SEC63: variants seen among roughly 807,000 people sequenced by gnomAD.
SEC63 encodes the protein SEC63 protein translocation regulator.
A neutral mutation model predicts 116.2 loss-of-function variants in SEC63; 56 were observed. The ratio of observed to expected loss-of-function variants is 0.48; its 90% CI spans 0.39 to 0.60. The LOEUF (loss-of-function observed/expected upper bound fraction) is 0.60. Among genes scored for constraint, SEC63 ranks in the 20% least tolerant of loss-of-function variants. SEC63 has a pLI of 0.00. For missense variants in SEC63, 668 were observed against 900.0 expected, an observed-to-expected ratio of 0.74 and a Z score of 3.30; for synonymous variants, 273 against 294.6, an observed-to-expected ratio of 0.93 and a Z score of 0.75.
intron 2 of SEC63, among the ~76,000 whole-genome samples, chr6:107,927,494 A>G (rs1412534751): frequency 6.6e-6 from 1 of 152,202 alleles, no homozygotes; most frequent in African/African-American, 2.4e-5. Flanking sequence ...TAAAAGTTTT[A>G]ATGGTTTATG....
At position 107,901,370 on chromosome 6, in the gene SEC63, C is replaced by T; in HGVS notation, c.1357G>A (p.Val453Met). The change falls in exon 13 of 21, where the codon GTG becomes ATG. Residue 453 changes from valine to methionine, a missense_variant and splice_region_variant. By Grantham distance (21) the Val-to-Met change is conservative. Coordinates refer to ENST00000369002, the MANE Select transcript of SEC63 (RefSeq NM_007214.5). The stretch of plus-strand genomic sequence containing the variant: ...CTCAACAGAGAAACCTCCCACTTAC[C>T]CTGTGATTTTATATCCATGGTCACA... ...PYVTMDIKSQ[V>M]LDDEDSNNIT... 1 of 1,612,282 alleles carries T rather than the reference C, an allele frequency of 6.2e-7. No individual in the cohort carries two copies. The highest frequency in any genetic ancestry group is 1.7e-5 in the Admixed American group (1 of 60,006).
At chr6:107,904,268 G>A (rs1787086073) in intron 11 of SEC63, among the ~76,000 whole-genome samples, 1 of 151,634 alleles carries the variant, frequency 6.6e-6, no homozygotes, top group African/African-American at 2.4e-5. Context: ...AAATTAGCCA[G>A]GTGTGGTGGT....
At chr6:107,918,759 G>C (rs1174578747) in intron 4 of SEC63, among the ~76,000 whole-genome samples, 1 of 151,530 alleles carries the variant, frequency 6.6e-6, no homozygotes, top group Non-Finnish European at 1.5e-5. Context: ...TACAGACACA[G>C]TGATACCTCT....
intron 16 of SEC63, among the ~76,000 whole-genome samples, chr6:107,892,917 G>T (rs1334061381): frequency 6.6e-6 from 1 of 152,112 alleles, no homozygotes; most frequent in South Asian, 2.1e-4. Flanking sequence ...CTCTTTTAAC[G>T]AGTTAAGCAT....
At chr6:107,893,714 T>C (rs1215264177) in intron 15 of SEC63, 59 bp from the exon 16 acceptor site, 6 of 1,602,274 alleles carry the variant, frequency 3.7e-6, no homozygotes, top group Non-Finnish European at 5.1e-6. Context: ...TTGAAGGTTG[T>C]AGTAATTTTT....
chr6:107,917,421 C>T, intron 4 of SEC63, among the ~76,000 whole-genome samples: 1 of 151,948 alleles, frequency 6.6e-6, no homozygotes. Context: ...TAGGGTCTCC[C>T]TGACCGAGCT....
chr6:107,955,383 G>A (rs931724902), intron 1 of SEC63, among the ~76,000 whole-genome samples: 2 of 152,086 alleles, frequency 1.3e-5, no homozygotes, highest in African/African-American at 4.8e-5. Flanking sequence ...GGCTGGTCTT[G>A]AACTCCTGAC....
In SEC63 at chr6:107,895,845, G is replaced by C. The variant is rs1786800096; in HGVS notation, c.1440+1804C>G. 2.7e-5 allele frequency among the ~76,000 whole-genome samples: 3 copies of C among 113,104 alleles called. No individual in the cohort carries two copies. In the South Asian group the frequency reaches 9.0e-4, roughly 34 times the overall value. The allele number at this position is 113,104 out of a possible 152,430, so 74.2% of individuals were successfully genotyped here. A position where few individuals can be genotyped will look rare whatever the true frequency, so the allele number is the denominator to read the frequency against. ...TGAGATCAGCTGGGCAGCCTACAGAGACCCGCACCTCTATTAAAAAAAAAA... is the reference window on the plus strand; with the variant it reads ...TGAGATCAGCTGGGCAGCCTACAGACACCCGCACCTCTATTAAAAAAAAAA... On this transcript the variant is annotated intron_variant, in intron 14 of 20. Coordinates refer to ENST00000369002, the MANE Select transcript of SEC63 (RefSeq NM_007214.5).
chr6:107,929,670 T>G (rs1293663940), intron 1 of SEC63, among the ~76,000 whole-genome samples, 156 bp from the exon 2 acceptor site: 1 of 152,238 alleles, frequency 6.6e-6, no homozygotes, highest in South Asian at 2.1e-4. Flanking sequence ...ACTTACAAGA[T>G]AGGTTAAATT....
chr6:107,893,235 T>C (rs1786731074), intron 16 of SEC63, among the ~76,000 whole-genome samples: 1 of 151,834 alleles, frequency 6.6e-6, no homozygotes. Context: ...ACATAAAATA[T>C]GACACTTATA....
At chr6:107,954,093 C>A (rs372469288) in intron 1 of SEC63, among the ~76,000 whole-genome samples, 4 of 152,148 alleles carry the variant, frequency 2.6e-5, no homozygotes, top group African/African-American at 9.7e-5. Flanking sequence ...GAGGTAGACA[C>A]GGGAGACTTT....
At chr6:107,940,019 G>T (rs949312048) in intron 1 of SEC63, among the ~76,000 whole-genome samples, 2 of 152,100 alleles carry the variant, frequency 1.3e-5, no homozygotes, top group African/African-American at 4.8e-5. Flanking sequence ...GGCTTCATAA[G>T]ATTACATATT....
intron 16 of SEC63, among the ~76,000 whole-genome samples, chr6:107,891,393 C>T (rs1583732840): frequency 6.6e-6 from 1 of 151,876 alleles, no homozygotes; most frequent in Non-Finnish European, 1.5e-5. Flanking sequence ...ACGAAGTTCT[C>T]GTGCTGTGTT....
At chr6:107,889,815 T>C (rs1786636725) in intron 16 of SEC63, among the ~76,000 whole-genome samples, 1 of 152,234 alleles carries the variant, frequency 6.6e-6, no homozygotes, top group East Asian at 1.9e-4. Context: ...AACATCTTTA[T>C]TTCTGCCTTC....
chr6:107,923,757 C>T (rs887759128), intron 3 of SEC63, among the ~76,000 whole-genome samples: 5 of 150,456 alleles, frequency 3.3e-5, no homozygotes, highest in South Asian at 2.1e-4. Flanking sequence ...TGACCTCAAG[C>T]GATCCTCCCA....
chr6:107,939,835 T>C (rs967530424), intron 1 of SEC63, among the ~76,000 whole-genome samples: 2 of 152,142 alleles, frequency 1.3e-5, no homozygotes, highest in African/African-American at 2.4e-5. Flanking sequence ...TGTTTCAGAA[T>C]ATAAAAGGCA....
chr6:107,901,737 G>A (rs1255858679), intron 12 of SEC63, among the ~76,000 whole-genome samples: 1 of 151,752 alleles, frequency 6.6e-6, no homozygotes, highest in Non-Finnish European at 1.5e-5. Flanking sequence ...GTTAATACAG[G>A]CTTATTTTTT....
rs1382895571 is a variant in SEC63, at chr6:107,871,857, A to G, written c.2140-10T>C. 6.2e-7 allele frequency: 1 copy of G among 1,613,234 alleles called. No individual in the cohort carries two copies. Among genetic ancestry groups the G allele is most frequent in the Non-Finnish European group, 8.5e-7 (1 of 1,179,630 alleles). On this transcript the variant is annotated splice_polypyrimidine_tract_variant and intron_variant, in intron 20 of 20. Transcript: ENST00000369002. ...CCTCATGAACTTCCAACTAGAAAGA[A>G]GAATTAAATGTAGACATCAGAAATT... is the stretch of plus-strand genomic sequence containing the variant.
At chr6:107,910,600 ACACGTGTCATACATATATG>A (rs1787257542) in intron 7 of SEC63, among the ~76,000 whole-genome samples, 1 of 152,036 alleles carries the variant, frequency 6.6e-6, no homozygotes, top group Non-Finnish European at 1.5e-5. Flanking sequence ...TGTCATACAC[ACACGTGTCATACATATATG>A]CACGTGTCAT....
Sources: gnomAD v4.1 joint callset for allele counts (sites outside exome capture counted in the v4.1 genomes callset) on GRCh38, gnomAD v4.1.1 for gene constraint, MANE v1.5 for transcripts, NCBI Gene and HGNC (gene_info 2026-07-23, HGNC 2026-07-21) for gene names.